The following TMIE variants were observed in gnomAD, a reference collection of about 807,000 sequenced individuals.
TMIE encodes transmembrane inner ear.
A neutral mutation model predicts 16.8 loss-of-function variants in TMIE; 14 were observed. The observed-to-expected ratio is 0.83, with a 90% CI of 0.55 to 1.30. The LOEUF (loss-of-function observed/expected upper bound fraction) is 1.30, where lower values mean the gene tolerates loss of function less well. Among genes scored for constraint, TMIE ranks in the 50% most tolerant of loss-of-function variants. The pLI is 0.00. For synonymous variants in TMIE, 75 were observed against 87.2 expected (o/e 0.86, Z 0.78); for missense variants, 204 against 205.9 (o/e 0.99, Z 0.06).
chr3:46,703,129 TG>T (rs1310268305), intron 1 of TMIE, among the ~76,000 whole-genome samples: 1 of 152,176 alleles, frequency 6.6e-6, no homozygotes, highest in East Asian at 1.9e-4. Flanking sequence ...TGGGCAGGGC[TG>T]GGGGCCATGT....
At chr3:46,699,711 G>C (rs142480047), upstream of TMIE, among the ~76,000 whole-genome samples, 986 of 152,302 alleles carry the variant, frequency 6.5e-3, 14 homozygotes, top group African/African-American at 0.02. Context: ...TCTTCACTAG[G>C]CTTGCCCTAC....
upstream of TMIE, among the ~76,000 whole-genome samples, chr3:46,699,063 T>TA (rs1575467014): frequency 7.2e-6 from 1 of 138,488 alleles, no homozygotes; most frequent in East Asian, 2.0e-4. Context: ...GTTTCTTATT[T>TA]TTTTTTTTTT....
chr3:46,708,607 T>G (rs560273920), intron 2 of TMIE, among the ~76,000 whole-genome samples: 1 of 152,244 alleles, frequency 6.6e-6, no homozygotes, highest in Non-Finnish European at 1.5e-5. Context: ...TGCCCTCTCA[T>G]GGGCTCCCGC....
chr3:46,702,073 T>G (rs1272353578), intron 1 of TMIE, among the ~76,000 whole-genome samples: 1 of 152,024 alleles, frequency 6.6e-6, no homozygotes, highest in Admixed American at 6.5e-5. Context: ...GGGGGAGACA[T>G]AGCCTTAAGA....
In TMIE at chr3:46,703,431, G is replaced by A. The variant is rs936969049; in HGVS notation, c.93+1851G>A. 6.6e-5 allele frequency among the ~76,000 whole-genome samples: 10 copies of A among 152,158 alleles called. No homozygotes were observed. In the South Asian group the frequency reaches 8.3e-4, roughly 13 times the overall value. Reference sequence around the variant, plus strand: ...GAGTCTTCCAGTCATACAACCAGCCGGGCCAACACATTGAGCCTTAGAATT... The same window carrying A: ...GAGTCTTCCAGTCATACAACCAGCCAGGCCAACACATTGAGCCTTAGAATT... On this transcript the variant is annotated intron_variant, in intron 1 of 3. Coordinates refer to ENST00000643606, the MANE Select transcript of TMIE (RefSeq NM_147196.3).
upstream of TMIE, among the ~76,000 whole-genome samples, chr3:46,700,890 C>T (rs1337310222): frequency 1.3e-5 from 2 of 152,068 alleles, no homozygotes; most frequent in African/African-American, 2.4e-5. Context: ...ATAACACTGC[C>T]GGCTGGCAGC....
upstream of TMIE, among the ~76,000 whole-genome samples, chr3:46,700,100 T>C (rs1575467375): frequency 6.6e-6 from 1 of 152,270 alleles, no homozygotes; most frequent in African/African-American, 2.4e-5. Context: ...AACAAGTGAT[T>C]TGGATTTTAG....
chr3:46,693,989 C>A (rs999242824), upstream of TMIE, among the ~76,000 whole-genome samples: 1 of 152,138 alleles, frequency 6.6e-6, no homozygotes. Context: ...TCGCCTCTCG[C>A]GCCCCGCTTC....
chr3:46,705,710 T>C, intron 1 of TMIE, 80 bp from the exon 2 acceptor site: 1 of 1,207,824 alleles, frequency 8.3e-7, no homozygotes, highest in Non-Finnish European at 1.2e-6. Flanking sequence ...GCTGAGTGTT[T>C]GCTGAGACCT....
chr3:46,703,931 C>T (rs765382631), intron 1 of TMIE, among the ~76,000 whole-genome samples: 3 of 152,178 alleles, frequency 2.0e-5, no homozygotes, highest in Non-Finnish European at 4.4e-5. Flanking sequence ...CACAACATCT[C>T]GCTCATATGC....
Position 46,705,904 on chromosome 3 carries a change from A to G in TMIE, c.208A>G (p.Ile70Val), listed in dbSNP as rs978130491. The G allele has an allele frequency of 2.5e-6, 4 of 1,613,848 alleles. No individual in the cohort carries two copies. Among genetic ancestry groups the G allele is most frequent in the Non-Finnish European group, 3.4e-6 (4 of 1,179,826 alleles). The change falls in exon 2 of 4, where the codon ATC becomes GTC. Residue 70 changes from isoleucine to valine, a missense_variant. Ile to Val is a conservative substitution (Grantham distance 29). Coordinates refer to ENST00000643606, the MANE Select transcript of TMIE (RefSeq NM_147196.3). ...CATCTTTTCGCTCTTCGTGTTGTCC[A>G]TCAGTGAGTAGCTGTTCCCTTCCCT... ...VGIFSLFVLSIIITLCCVFNC... is the reference protein window; with the variant it reads ...VGIFSLFVLSVIITLCCVFNC...
rs1238045110 is a variant in TMIE, at chr3:46,709,751, A to G, written c.*63A>G. 4 of 1,606,546 alleles carry G rather than the reference A, an allele frequency of 2.5e-6. No homozygotes were observed. Among genetic ancestry groups the G allele is most frequent in the South Asian group, 1.1e-5 (1 of 89,878 alleles). On this transcript the variant is annotated 3_prime_UTR_variant, in exon 4 of 4. Coordinates refer to ENST00000643606, the MANE Select transcript of TMIE (RefSeq NM_147196.3). ...CTCAAGCCGTGGCCGGGGTCCAGGCATGTTGGACTCTGAGCTCATTTGGGG... is the reference window on the plus strand; with the variant it reads ...CTCAAGCCGTGGCCGGGGTCCAGGCGTGTTGGACTCTGAGCTCATTTGGGG...
intron 3 of TMIE, 69 bp from the exon 4 acceptor site, chr3:46,709,510 C>A: frequency 6.2e-7 from 1 of 1,613,616 alleles, no homozygotes; most frequent in Non-Finnish European, 8.5e-7. Context: ...GGGCTCTTCC[C>A]CTCAGGACAG....
chr3:46,697,880 T>C (rs1700424354), upstream of TMIE, among the ~76,000 whole-genome samples: 1 of 152,104 alleles, frequency 6.6e-6, no homozygotes, highest in Non-Finnish European at 1.5e-5. Context: ...TGATTGTTGT[T>C]GTGTTGGTGT....
upstream of TMIE, among the ~76,000 whole-genome samples, chr3:46,699,057 C>CTTTTTTTTT (rs1246748003): frequency 6.1e-5 from 4 of 65,284 alleles, no homozygotes; most frequent in Non-Finnish European, 9.8e-5. Context: ...AATGGTGTTT[C>CTTTTTTTTT]TTATTTTTTT....
At position 46,709,730 on chromosome 3, in the gene TMIE, A is replaced by G. The variant is rs1014547121; in HGVS notation, c.*42A>G. ...TTGGGCTGGCGGGCCCTGGAGCTCA[A>G]GCCGTGGCCGGGGTCCAGGCATGTT... On this transcript the variant is annotated 3_prime_UTR_variant, in exon 4 of 4. Transcript: ENST00000643606. The G allele has an allele frequency of 6.2e-7, 1 of 1,612,692 alleles. No homozygotes were observed. The highest frequency in any genetic ancestry group is 1.1e-5 in the South Asian group (1 of 90,796).
At chr3:46,699,628 T>C (rs1357634193), upstream of TMIE, among the ~76,000 whole-genome samples, 1 of 152,176 alleles carries the variant, frequency 6.6e-6, no homozygotes, top group African/African-American at 2.4e-5. Context: ...TGCAGAGAAG[T>C]GGAACCCACG....
chr3:46,703,906 A>G (rs7642783), intron 1 of TMIE, among the ~76,000 whole-genome samples: 32,416 of 152,128 alleles, frequency 0.21, 3,842 homozygotes, highest in South Asian at 0.33. Flanking sequence ...GTCTGTCCTT[A>G]TTTAGTAATC....
rs1437557080 is a variant in TMIE at position 46,695,194 on chromosome 3, C to T, written c.-67+576C>T. Among the ~76,000 whole-genome samples the T allele has an allele frequency of 2.0e-5, 3 of 152,236 alleles. No homozygotes were observed. The East Asian group carries it at 5.8e-4, about 29-fold the overall frequency. ...ACAGCACAGCCTGGCAGAGCCACCG[C>T]CCCAGCAGGTGGAATGAACTGAGGC... On this transcript the variant is annotated intron_variant, in intron 1 of 3. Transcript: ENST00000644830.
Sources: allele counts gnomAD v4.1 joint callset (sites outside exome capture counted in the v4.1 genomes callset), GRCh38; gene constraint gnomAD v4.1.1; transcripts MANE v1.5; gene names NCBI Gene and HGNC (gene_info 2026-07-23, HGNC 2026-07-21).